Variants in COL4A6 observed in about 807,000 individuals in gnomAD.
COL4A6 encodes the protein collagen type IV alpha 6 chain.
In COL4A6, 59 loss-of-function variants were observed where a neutral mutation model predicts 126.7. The observed-to-expected ratio is 0.47, with a 90% CI of 0.38 to 0.58. The LOEUF (loss-of-function observed/expected upper bound fraction) is 0.58. Among genes scored for constraint, COL4A6 ranks in the 20% least tolerant of loss-of-function variants. The probability of loss-of-function intolerance (pLI) is 0.00; values close to 1 mark genes in which losing one functional copy is unlikely to be tolerated. For synonymous variants in COL4A6, 547 were observed against 496.6 expected, an observed-to-expected ratio of 1.10 and a Z score of -1.35; for missense variants, 1,285 against 1,337.3, an observed-to-expected ratio of 0.96 and a Z score of 0.61.
intron 2 of COL4A6, among the ~76,000 whole-genome samples, chrX:108,380,432 C>A (rs948856543): frequency 8.9e-6 from 1 of 112,307 alleles, no homozygotes. Context: ...TTGGCCTACG[C>A]GTTGTTTACT....
upstream of COL4A6, chrX:108,438,505 G>C: frequency 1.0e-6 from 1 of 961,352 alleles, no homozygotes; most frequent in Non-Finnish European, 1.3e-6. Flanking sequence ...ACCTTGGGCA[G>C]CCGGTAGTCT....
intron 2 of COL4A6, among the ~76,000 whole-genome samples, chrX:108,419,670 T>C (rs1232411622): frequency 8.9e-6 from 1 of 112,036 alleles, no homozygotes; most frequent in Non-Finnish European, 1.9e-5. Context: ...CCTTGTTACA[T>C]ACCCTTAAGC....
chrX:108,210,117 C>T lies in COL4A6; in HGVS notation c.511-113G>A, dbSNP rs1380593630. ...AACACATCTCTGAACCTTGGGCCTCCTCTGTCAAAGTCTTGTGTTTTAAAT... is the reference window on the plus strand; with the variant it reads ...AACACATCTCTGAACCTTGGGCCTCTTCTGTCAAAGTCTTGTGTTTTAAAT... On this transcript the variant is annotated intron_variant, in intron 7 of 44. Coordinates refer to ENST00000334504, the MANE Select transcript of COL4A6 (RefSeq NM_033641.4). 9 of 706,123 alleles carry T rather than the reference C, an allele frequency of 1.3e-5. No individual in the cohort carries two copies. The East Asian group carries it at 3.1e-4, about 25-fold the overall frequency. 58.2% of individuals were successfully genotyped at this position (706,123 alleles called of 1,213,427 possible). A position where few individuals can be genotyped will look rare whatever the true frequency, so the allele number is the denominator to read the frequency against.
chrX:108,361,444 G>A (rs1271914701), intron 2 of COL4A6, among the ~76,000 whole-genome samples: 1 of 111,424 alleles, frequency 9.0e-6, no homozygotes, highest in Non-Finnish European at 1.9e-5. Flanking sequence ...ATTTATAGAG[G>A]GCTTTCATCC....
chrX:108,286,501 T>C (rs1432765779), intron 3 of COL4A6, among the ~76,000 whole-genome samples: 1 of 112,142 alleles, frequency 8.9e-6, no homozygotes, highest in African/African-American at 3.2e-5. Flanking sequence ...CAATTCTTGA[T>C]CTCACTTTTA....
intron 3 of COL4A6, among the ~76,000 whole-genome samples, chrX:108,300,003 T>C (rs1013873665): frequency 8.9e-6 from 1 of 111,801 alleles, no homozygotes; most frequent in African/African-American, 3.3e-5. Context: ...ATTTGTCAGG[T>C]AGGAAACAGA....
At chrX:108,321,718 T>C (rs1336300552) in intron 2 of COL4A6, among the ~76,000 whole-genome samples, 1 of 110,865 alleles carries the variant, frequency 9.0e-6, no homozygotes, top group Non-Finnish European at 1.9e-5. Flanking sequence ...TATATATATA[T>C]ATAATCTTCA....
intron 3 of COL4A6, among the ~76,000 whole-genome samples, chrX:108,231,959 A>C (rs1434090114): frequency 8.9e-6 from 1 of 111,903 alleles, no homozygotes; most frequent in African/African-American, 3.2e-5. Flanking sequence ...TCAGTGGGTA[A>C]TGGTTAGTTT....
At chrX:108,244,235 T>C (rs919712657) in intron 3 of COL4A6, among the ~76,000 whole-genome samples, 1 of 110,953 alleles carries the variant, frequency 9.0e-6, no homozygotes, top group Non-Finnish European at 1.9e-5. Context: ...CTAAGCAGCA[T>C]TCTCAGAGCT....
chrX:108,307,293 G>A (rs2038649431), intron 3 of COL4A6, among the ~76,000 whole-genome samples: 1 of 111,715 alleles, frequency 9.0e-6, no homozygotes. Context: ...GCTAAATAAG[G>A]TTTAGCTACT....
At chrX:108,196,835 G>T (rs2035235339) in intron 13 of COL4A6, among the ~76,000 whole-genome samples, 1 of 112,145 alleles carries the variant, frequency 8.9e-6, no homozygotes, top group South Asian at 3.7e-4. Flanking sequence ...ATAGTATCAT[G>T]GGCTAACAGT....
intron 2 of COL4A6, among the ~76,000 whole-genome samples, chrX:108,363,105 G>A (rs1179557261): frequency 8.9e-6 from 1 of 112,261 alleles, no homozygotes; most frequent in Non-Finnish European, 1.9e-5. Flanking sequence ...GAGGAGAATT[G>A]CACTAGCACA....
At chrX:108,437,346 C>A (rs1003700462) in intron 2 of COL4A6, among the ~76,000 whole-genome samples, 1 of 110,908 alleles carries the variant, frequency 9.0e-6, no homozygotes, top group Admixed American at 9.5e-5. Context: ...ATTTTTTTTT[C>A]TATTATAACA....
At chrX:108,210,331 T>C (rs1828355605) in intron 7 of COL4A6, among the ~76,000 whole-genome samples, 1 of 112,374 alleles carries the variant, frequency 8.9e-6, no homozygotes, top group Non-Finnish European at 1.9e-5. Flanking sequence ...GTGATTTTCC[T>C]ACTCCTTTTG....
intron 2 of COL4A6, among the ~76,000 whole-genome samples, chrX:108,338,215 C>A (rs1358627621): frequency 8.9e-6 from 1 of 111,827 alleles, no homozygotes; most frequent in African/African-American, 3.2e-5. Context: ...GCTTTTAATT[C>A]TCTAAGCCCT....
At chrX:108,298,878 G>T (rs998240819) in intron 3 of COL4A6, among the ~76,000 whole-genome samples, 2 of 110,673 alleles carry the variant, frequency 1.8e-5, no homozygotes, top group Non-Finnish European at 3.8e-5. Flanking sequence ...CTCTGGCTCA[G>T]TTTGGACTTG....
intron 2 of COL4A6, among the ~76,000 whole-genome samples, chrX:108,392,758 A>G (rs2040866179): frequency 8.9e-6 from 1 of 111,745 alleles, no homozygotes. Flanking sequence ...GGGGCCCAAG[A>G]AAGCTTGTTC....
At chrX:108,245,059 T>TA (rs887529134) in intron 3 of COL4A6, among the ~76,000 whole-genome samples, 4 of 112,036 alleles carry the variant, frequency 3.6e-5, no homozygotes, top group African/African-American at 1.3e-4. Flanking sequence ...TTGCTGGGGG[T>TA]AAAATCACAG....
intron 5 of COL4A6, 54 bp from the exon 6 acceptor site, chrX:108,214,282 T>C: frequency 1.1e-6 from 1 of 893,140 alleles, no homozygotes; most frequent in Admixed American, 2.8e-5. Flanking sequence ...TCAGCTATTC[T>C]AAATGGCTCC....
Sources: gnomAD v4.1 joint callset for allele counts (sites outside exome capture counted in the v4.1 genomes callset) on GRCh38, gnomAD v4.1.1 for gene constraint, MANE v1.5 for transcripts, NCBI Gene and HGNC (gene_info 2026-07-23, HGNC 2026-07-21) for gene names.